SLIT3: variants seen among roughly 807,000 people sequenced by gnomAD.
SLIT3 encodes slit guidance ligand 3.
In SLIT3, 68 loss-of-function variants were observed where a neutral mutation model predicts 184.0. The observed-to-expected ratio is 0.37, with a 90% confidence interval of 0.30 to 0.45. The LOEUF (loss-of-function observed/expected upper bound fraction) is 0.45, where lower values mean the gene tolerates loss of function less well. SLIT3 is among the 20% of genes least tolerant of loss of function. The pLI, the probability that SLIT3 is intolerant of heterozygous loss-of-function variation, is 1.00. For missense variants in SLIT3, 1,707 were observed against 2,026.0 expected, an observed-to-expected ratio of 0.84 and a Z score of 3.02; for synonymous variants, 831 against 828.6, an observed-to-expected ratio of 1.00 and a Z score of -0.05.
intron 4 of SLIT3, among the ~76,000 whole-genome samples, chr5:168,992,557 T>C (rs1405733294): frequency 6.6e-6 from 1 of 152,228 alleles, no homozygotes; most frequent in Non-Finnish European, 1.5e-5. Context: ...GGGAACCTTC[T>C]GTTGAATGGA....
intron 26 of SLIT3, among the ~76,000 whole-genome samples, chr5:168,703,508 T>C (rs1391629204): frequency 6.6e-6 from 1 of 151,980 alleles, no homozygotes; most frequent in Non-Finnish European, 1.5e-5. Context: ...GGGATCTAGG[T>C]TGCACGCTCC....
intron 16 of SLIT3, among the ~76,000 whole-genome samples, chr5:168,758,100 G>T (rs1372354262): frequency 6.6e-6 from 1 of 152,172 alleles, no homozygotes; most frequent in Non-Finnish European, 1.5e-5. Context: ...GCAAGCACTG[G>T]GATGAGCTGA....
At chr5:169,260,573 T>A (rs1002458876) in intron 1 of SLIT3, among the ~76,000 whole-genome samples, 8 of 152,174 alleles carry the variant, frequency 5.3e-5, no homozygotes, top group African/African-American at 1.9e-4. Flanking sequence ...GGCTTAGAGG[T>A]GATAATTGCT....
At position 168,772,810 on chromosome 5, in the gene SLIT3, T is replaced by G. The variant is rs2113536625; in HGVS notation, c.1430A>C (p.Gln477Pro). 2 of 1,614,162 alleles carry G rather than the reference T, an allele frequency of 1.2e-6. No individual in the cohort carries two copies. The highest frequency in any genetic ancestry group is 2.2e-5 in the South Asian group (2 of 91,076). Residue 477 changes from glutamine to proline, a missense_variant, in exon 14 of 36, where the codon CAG becomes CCG. Physicochemically the swap from Gln to Pro is moderately conservative, Grantham distance 76 (BLOSUM62 -1). Transcript: ENST00000519560. ...PRRLANKRIS[Q>P]IKSKKFRCSG... ...GCAGCGGAACTTCTTGCTCTTGATC[T>G]GGCTGATGCGCTTGTTGGCGAGTCG...
intron 4 of SLIT3, among the ~76,000 whole-genome samples, chr5:168,962,143 G>A (rs994837475): frequency 3.9e-5 from 6 of 152,122 alleles, no homozygotes; most frequent in Non-Finnish European, 7.4e-5. Context: ...ACCCATGGGT[G>A]GGGGTGGGAG....
intron 3 of SLIT3, among the ~76,000 whole-genome samples, chr5:169,235,283 T>C (rs1013556282): frequency 1.3e-5 from 2 of 152,222 alleles, no homozygotes; most frequent in Non-Finnish European, 2.9e-5. Flanking sequence ...TTCATCCATT[T>C]CTTTTTAAAA....
At chr5:168,679,567 TGAGG>T (rs1761517756) in intron 32 of SLIT3, among the ~76,000 whole-genome samples, 1 of 152,080 alleles carries the variant, frequency 6.6e-6, no homozygotes, top group African/African-American at 2.4e-5. Flanking sequence ...TTAAGGGACT[TGAGG>T]GAGGAAGGGT....
chr5:169,134,354 C>T (rs1419746735), intron 4 of SLIT3, among the ~76,000 whole-genome samples: 5 of 152,190 alleles, frequency 3.3e-5, no homozygotes, highest in African/African-American at 1.2e-4. Flanking sequence ...GCCAGACTGG[C>T]TTTCTTTCAG....
At chr5:169,043,134 A>G (rs1486613492) in intron 4 of SLIT3, among the ~76,000 whole-genome samples, 1 of 152,166 alleles carries the variant, frequency 6.6e-6, no homozygotes, top group African/African-American at 2.4e-5. Flanking sequence ...CCTGTAACCT[A>G]CATATCAGAA....
intron 1 of SLIT3, among the ~76,000 whole-genome samples, chr5:169,278,712 G>C (rs1341571385): frequency 6.6e-6 from 1 of 152,130 alleles, no homozygotes; most frequent in Non-Finnish European, 1.5e-5. Flanking sequence ...TCCAGGTACA[G>C]AGCCAAGGTT....
chr5:168,883,992 T>G (rs1383277369), intron 4 of SLIT3, among the ~76,000 whole-genome samples: 3 of 152,176 alleles, frequency 2.0e-5, no homozygotes, highest in Admixed American at 6.5e-5. Flanking sequence ...GCCAGCATGT[T>G]GCTTTGAGGA....
In SLIT3 at chr5:168,666,556, G is replaced by A; in HGVS notation, c.4470C>T (p.Thr1490=). 1 of 1,614,044 alleles carries A rather than the reference G, an allele frequency of 6.2e-7. No individual in the cohort carries two copies. The highest frequency in any genetic ancestry group is 8.5e-7 in the Non-Finnish European group (1 of 1,179,982). ...AGACGTATTTCCGCCGCTTGCTGCG[G>A]GTGGGCTGGCAGCACTGGGGCCCAC... ...GGCGPQCCQP[T]RSKRRKYVFQ... Residue 1490 remains threonine, a synonymous_variant, in exon 36 of 36, where the codon ACC becomes ACT. Transcript: ENST00000519560.
At chr5:168,968,302 C>T (rs1304524054) in intron 4 of SLIT3, among the ~76,000 whole-genome samples, 2 of 152,176 alleles carry the variant, frequency 1.3e-5, no homozygotes, top group Admixed American at 6.5e-5. Flanking sequence ...CTTCTCATTG[C>T]CTCTCCCTGT....
At chr5:168,951,802 A>G (rs1762658515) in intron 4 of SLIT3, among the ~76,000 whole-genome samples, 1 of 152,186 alleles carries the variant, frequency 6.6e-6, no homozygotes, top group Non-Finnish European at 1.5e-5. Flanking sequence ...GTCTCTGTCT[A>G]TCCCTATAAA....
At chr5:168,863,097 C>T (rs1283235532) in intron 5 of SLIT3, among the ~76,000 whole-genome samples, 2 of 152,168 alleles carry the variant, frequency 1.3e-5, no homozygotes, top group Non-Finnish European at 2.9e-5. Context: ...ATCCACGGAC[C>T]CAAAACACAT....
chr5:168,906,639 T>A (rs1426321465), intron 4 of SLIT3, among the ~76,000 whole-genome samples: 1 of 152,132 alleles, frequency 6.6e-6, no homozygotes, highest in African/African-American at 2.4e-5. Context: ...GGGAATCTTC[T>A]ATATATATAT....
intron 16 of SLIT3, 99 bp downstream of exon 16, chr5:168,760,763 G>A: frequency 1.2e-6 from 1 of 855,958 alleles, no homozygotes; most frequent in South Asian, 1.5e-5. Flanking sequence ...GAGTGGAGCA[G>A]AGGCTGGGGG....
In SLIT3 at chr5:169,300,807, G is replaced by T; in HGVS notation, c.-98C>A. On this transcript the variant is annotated 5_prime_UTR_variant, in exon 1 of 36. Transcript: ENST00000519560. The surrounding 1 kb of genome is among the most constrained non-coding windows in gnomAD (Gnocchi z 4.1). ...GGGGAGCGCGGGCGGCCTGGGGAGC[G>T]GGCGGCGGAGTTAGCGCGGAGGAGG... 2 of 1,188,554 alleles carry T rather than the reference G, an allele frequency of 1.7e-6. No homozygotes were observed. The highest frequency in any genetic ancestry group is 4.4e-5 in the Admixed American group (1 of 22,854). The allele number at this position is 1,188,554 out of a possible 1,614,324, so 73.6% of individuals were successfully genotyped here.
chr5:168,802,215 G>C (rs570719142), intron 9 of SLIT3, among the ~76,000 whole-genome samples: 66 of 151,656 alleles, frequency 4.4e-4, no homozygotes, highest in Middle Eastern at 3.5e-3. Flanking sequence ...TTCATCCTGG[G>C]GTGCATCCTG....
Sources: gnomAD v4.1 joint callset for allele counts (sites outside exome capture counted in the v4.1 genomes callset) on GRCh38, gnomAD v4.1.1 for gene constraint, Gnocchi (gnomAD v3.1) non-coding constraint, MANE v1.5 for transcripts, NCBI Gene and HGNC (gene_info 2026-07-23, HGNC 2026-07-21) for gene names.